The following GRIK2 variants were observed in gnomAD, a reference collection of about 807,000 sequenced individuals.
GRIK2 encodes glutamate ionotropic receptor kainate type subunit 2.
Under a neutral mutation model 100.3 loss-of-function variants are expected in GRIK2, and 32 were observed. The observed-to-expected ratio is 0.32, with a 90% CI of 0.24 to 0.43. The LOEUF (loss-of-function observed/expected upper bound fraction) is 0.43, where lower values mean the gene tolerates loss of function less well. Among genes scored for constraint, GRIK2 ranks in the 20% least tolerant of loss-of-function variants. The probability of loss-of-function intolerance (pLI) is 1.00; values close to 1 mark genes in which losing one functional copy is unlikely to be tolerated. For synonymous variants in GRIK2, 417 were observed against 389.4 expected, an observed-to-expected ratio of 1.07 and a Z score of -0.83; for missense variants, 843 against 1,114.9, an observed-to-expected ratio of 0.76 and a Z score of 3.47.
rs543276736 is a variant in GRIK2, at chr6:101,823,880, T to G, written c.1317+5397T>G. On this transcript the variant is annotated intron_variant, in intron 10 of 16. Coordinates refer to ENST00000369134, the MANE Select transcript of GRIK2 (RefSeq NM_021956.5). ...AAGTTCTGTTTTTTTTTTTTTGTTT[T>G]TTTTTTTGATGGAGTCTCGCTCTGT... is the stretch of plus-strand genomic sequence containing the variant. 4.4e-4 allele frequency among the ~76,000 whole-genome samples: 67 copies of G among 151,014 alleles called. No individual in the cohort carries two copies. In the East Asian group the frequency reaches 6.2e-3, roughly 14 times the overall value.
chr6:101,956,022 A>T (rs1791915726), intron 14 of GRIK2, among the ~76,000 whole-genome samples: 1 of 152,026 alleles, frequency 6.6e-6, no homozygotes, highest in Non-Finnish European at 1.5e-5. Context: ...TTTAAATATA[A>T]TCATTTACAT....
chr6:101,727,370 C>T (rs567757885), intron 7 of GRIK2, among the ~76,000 whole-genome samples: 85 of 152,076 alleles, frequency 5.6e-4, no homozygotes, highest in African/African-American at 1.9e-3. Context: ...GTGAAAATAG[C>T]GCAGGATGCT....
At chr6:101,936,054 T>G (rs992413567) in intron 14 of GRIK2, among the ~76,000 whole-genome samples, 1 of 152,094 alleles carries the variant, frequency 6.6e-6, no homozygotes, top group African/African-American at 2.4e-5. Context: ...ATATTGAAGT[T>G]TATAGATAAT....
chr6:101,570,398 A>T (rs1011115453), intron 2 of GRIK2, among the ~76,000 whole-genome samples: 1 of 152,020 alleles, frequency 6.6e-6, no homozygotes, highest in Non-Finnish European at 1.5e-5. Flanking sequence ...GAGAAGGACA[A>T]ATCAGGATAA....
At chr6:101,502,286 A>G (rs1250229532) in intron 2 of GRIK2, among the ~76,000 whole-genome samples, 1 of 152,174 alleles carries the variant, frequency 6.6e-6, no homozygotes, top group East Asian at 1.9e-4. Flanking sequence ...TTCTGGGAAC[A>G]TATGCTACAG....
At chr6:101,973,002 T>C (rs577761617) in intron 14 of GRIK2, among the ~76,000 whole-genome samples, 3 of 152,072 alleles carry the variant, frequency 2.0e-5, no homozygotes, top group East Asian at 3.9e-4. Flanking sequence ...TTTGTTCTTT[T>C]TGCTTATGAT....
chr6:101,678,220 A>G (rs533991633), intron 5 of GRIK2, among the ~76,000 whole-genome samples: 2 of 152,098 alleles, frequency 1.3e-5, no homozygotes, highest in South Asian at 4.1e-4. Context: ...AACTCTCACT[A>G]TTTTGCTATC....
intron 2 of GRIK2, among the ~76,000 whole-genome samples, chr6:101,541,018 A>G (rs547460705): frequency 6.6e-6 from 1 of 152,120 alleles, no homozygotes; most frequent in African/African-American, 2.4e-5. Context: ...ATGGAAATCA[A>G]GTCTTGAGGA....
intron 14 of GRIK2, among the ~76,000 whole-genome samples, chr6:102,004,287 ATTTTTTT>A (rs35096329): frequency 8.7e-6 from 1 of 114,488 alleles, no homozygotes; most frequent in East Asian, 2.5e-4. Context: ...CTGTAAGTTC[ATTTTTTT>A]TTTTTTTTTG....
At chr6:101,613,262 C>G (rs1175756004) in intron 2 of GRIK2, among the ~76,000 whole-genome samples, 2 of 151,658 alleles carry the variant, frequency 1.3e-5, no homozygotes, top group Non-Finnish European at 2.9e-5. Context: ...GGGACAGACT[C>G]CAGTGGGGTA....
At chr6:101,876,762 C>A (rs942681169) in intron 11 of GRIK2, among the ~76,000 whole-genome samples, 21 of 151,850 alleles carry the variant, frequency 1.4e-4, no homozygotes, top group Admixed American at 1.2e-3. Context: ...TAACAAAACA[C>A]CCAGCATCCT....
chr6:101,569,883 ATTAC>A (rs1777451539), intron 2 of GRIK2, among the ~76,000 whole-genome samples: 1 of 152,098 alleles, frequency 6.6e-6, no homozygotes, highest in Non-Finnish European at 1.5e-5. Context: ...ATCTTTTTGA[ATTAC>A]TTTCTTTCTT....
intron 6 of GRIK2, among the ~76,000 whole-genome samples, chr6:101,683,734 A>G (rs1771460685): frequency 6.6e-6 from 1 of 152,344 alleles, no homozygotes; most frequent in South Asian, 2.1e-4. Flanking sequence ...TGTATACTGT[A>G]AAACACTTTT....
At chr6:101,955,519 G>A (rs1791861356) in intron 14 of GRIK2, among the ~76,000 whole-genome samples, 1 of 148,946 alleles carries the variant, frequency 6.7e-6, no homozygotes, top group Non-Finnish European at 1.5e-5. Flanking sequence ...AAGCAGACAG[G>A]CATGGTGGAA....
intron 15 of GRIK2, among the ~76,000 whole-genome samples, chr6:102,053,329 C>G (rs1014701845): frequency 6.6e-6 from 1 of 152,098 alleles, no homozygotes; most frequent in Non-Finnish European, 1.5e-5. Flanking sequence ...TAAAATTGAT[C>G]TTTCAACTGG....
chr6:101,751,781 C>T (rs186536390), intron 7 of GRIK2, among the ~76,000 whole-genome samples: 10 of 152,322 alleles, frequency 6.6e-5, no homozygotes, highest in Admixed American at 5.2e-4. Context: ...GAGGCTTAAT[C>T]ACACTTAACG....
intron 14 of GRIK2, among the ~76,000 whole-genome samples, chr6:101,930,711 T>G (rs572550829): frequency 6.6e-6 from 1 of 152,166 alleles, no homozygotes; most frequent in African/African-American, 2.4e-5. Flanking sequence ...GCTTATTTTC[T>G]TAATTCTTTG....
chr6:101,553,666 T>A (rs1776613042), intron 2 of GRIK2, among the ~76,000 whole-genome samples: 1 of 152,146 alleles, frequency 6.6e-6, no homozygotes, highest in South Asian at 2.1e-4. Context: ...AAGGTCAAAG[T>A]TTCCTTCTTT....
At position 102,069,629 on chromosome 6, in the gene GRIK2, A is replaced by T. The variant is rs1477375058; in HGVS notation, c.*1118A>T. The T allele has an allele frequency of 2.0e-5, 3 of 151,948 alleles. No individual in the cohort carries two copies. The highest frequency in any genetic ancestry group is 7.2e-5 in the African/African-American group (3 of 41,438). 9.4% of individuals were successfully genotyped at this position (151,948 alleles called of 1,614,324 possible). A position where few individuals can be genotyped will look rare whatever the true frequency, so the allele number is the denominator to read the frequency against. On this transcript the variant is annotated 3_prime_UTR_variant, in exon 17 of 17. Coordinates refer to ENST00000369134, the MANE Select transcript of GRIK2 (RefSeq NM_021956.5). ...TGTTAAATGAACAAAATTCTTGAAC[A>T]GTTTTTTTTCAAAAAATGTTCAGGT...
Sources: gnomAD v4.1 joint callset for allele counts (sites outside exome capture counted in the v4.1 genomes callset) on GRCh38, gnomAD v4.1.1 for gene constraint, MANE v1.5 for transcripts, NCBI Gene and HGNC (gene_info 2026-07-23, HGNC 2026-07-21) for gene names.